Variants in PLD1 observed in about 807,000 individuals in gnomAD.
PLD1 encodes the protein choline phosphatase 1.
A neutral mutation model predicts 137.1 loss-of-function variants in PLD1; 112 were observed. The ratio of observed to expected loss-of-function variants is 0.82; its 90% confidence interval spans 0.70 to 0.96. The LOEUF (loss-of-function observed/expected upper bound fraction) is 0.96. Ranked by LOEUF, PLD1 falls within the 40% of genes least tolerant of loss-of-function variation. The probability of loss-of-function intolerance (pLI) is 0.00; values close to 1 mark genes in which losing one functional copy is unlikely to be tolerated. For missense variants in PLD1, 1,321 were observed against 1,342.0 expected (o/e 0.98, Z 0.24); for synonymous variants, 431 against 454.7 (o/e 0.95, Z 0.66).
chr3:171,617,328 G>A (rs1480675033), intron 24 of PLD1, among the ~76,000 whole-genome samples: 2 of 152,154 alleles, frequency 1.3e-5, no homozygotes, highest in Non-Finnish European at 2.9e-5. Context: ...AGACTCATGA[G>A]CTCGACTTAG....
intron 23 of PLD1, among the ~76,000 whole-genome samples, chr3:171,636,957 TTTTTG>T (rs1423454487): frequency 6.6e-6 from 1 of 152,150 alleles, no homozygotes; most frequent in African/African-American, 2.4e-5. Flanking sequence ...TGTTGAGGTT[TTTTTG>T]TTTTGTTTTA....
At chr3:171,638,192 A>G (rs901817698) in intron 23 of PLD1, among the ~76,000 whole-genome samples, 1 of 151,534 alleles carries the variant, frequency 6.6e-6, no homozygotes, top group African/African-American at 2.4e-5. Flanking sequence ...CTCAAAAAAA[A>G]AAAAAAAAAA....
At chr3:171,692,264 C>T in intron 13 of PLD1, 68 bp downstream of exon 13, 1 of 783,950 alleles carries the variant, frequency 1.3e-6, no homozygotes, top group South Asian at 1.5e-5. Context: ...CTGCCCAGAA[C>T]AAAACATACC....
Position 171,730,420 on chromosome 3 carries a change from GA to G in PLD1, c.606+3023del, listed in dbSNP as rs576994873. ...CTCTCCTTTGCAGAACCACAAGAAG[GA>G]AAAAAAAAAAAAGAATTAAAAGCAG... On this transcript the variant is annotated intron_variant, in intron 6 of 26. Coordinates refer to ENST00000351298, the MANE Select transcript of PLD1 (RefSeq NM_002662.5). Among the ~76,000 whole-genome samples the G allele has an allele frequency of 7.9e-3, 1,048 of 132,048 alleles. 18 individuals are homozygous for G. Among genetic ancestry groups the G allele is most frequent in the Admixed American group, 0.045 (592 of 13,194 alleles). The allele number at this position is 132,048 out of a possible 152,430, so 86.6% of individuals were successfully genotyped here. A position where few individuals can be genotyped will look rare whatever the true frequency, so the allele number is the denominator to read the frequency against.
intron 25 of PLD1, among the ~76,000 whole-genome samples, chr3:171,606,988 A>G (rs967526668): frequency 6.6e-6 from 1 of 152,232 alleles, no homozygotes; most frequent in African/African-American, 2.4e-5. Context: ...AGTTTTCTCC[A>G]ACATTATCAA....
At chr3:171,625,833 A>C (rs150307529) in intron 23 of PLD1, among the ~76,000 whole-genome samples, 26,528 of 152,156 alleles carry the variant, frequency 0.17, 2,407 homozygotes, top group South Asian at 0.24. Flanking sequence ...AAGGACATCC[A>C]CACCAAAAAC....
At chr3:171,792,681 A>T (rs971885215) in intron 1 of PLD1, 11 of 456,622 alleles carry the variant, frequency 2.4e-5, no homozygotes. Context: ...GAAACACAGT[A>T]AATTTAGGCT....
intron 1 of PLD1, among the ~76,000 whole-genome samples, chr3:171,760,051 A>G (rs1158350942): frequency 6.6e-6 from 1 of 152,234 alleles, no homozygotes; most frequent in Admixed American, 6.5e-5. Flanking sequence ...ATAGTCATGC[A>G]AATAATGAAA....
At chr3:171,761,475 C>A (rs1721384651) in intron 1 of PLD1, among the ~76,000 whole-genome samples, 1 of 152,160 alleles carries the variant, frequency 6.6e-6, no homozygotes, top group Admixed American at 6.5e-5. Context: ...CTCCTCCAGA[C>A]CTAGGCAAGA....
At chr3:171,635,450 G>A (rs1293275392) in intron 23 of PLD1, among the ~76,000 whole-genome samples, 1 of 151,672 alleles carries the variant, frequency 6.6e-6, no homozygotes, top group African/African-American at 2.4e-5. Flanking sequence ...TTATTATTAT[G>A]GCCATCCTAG....
At chr3:171,638,875 T>C (rs1298027817) in intron 23 of PLD1, among the ~76,000 whole-genome samples, 1 of 152,148 alleles carries the variant, frequency 6.6e-6, no homozygotes, top group African/African-American at 2.4e-5. Context: ...CTGGGCATCA[T>C]CTAATCCATT....
intron 1 of PLD1, among the ~76,000 whole-genome samples, chr3:171,804,362 A>G (rs1434024635): frequency 6.6e-6 from 1 of 152,248 alleles, no homozygotes; most frequent in East Asian, 1.9e-4. Flanking sequence ...ATGGCACCAT[A>G]GAGCAAATAA....
rs963687222 is a variant in PLD1 at position 171,601,975 on chromosome 3, A to G, written c.*1103T>C. 7.9e-5 allele frequency: 12 copies of G among 152,362 alleles called. No homozygotes were observed. Among genetic ancestry groups the G allele is most frequent in the African/African-American group, 2.6e-4 (11 of 41,594 alleles). 9.4% of individuals were successfully genotyped at this position (152,362 alleles called of 1,614,324 possible). ...TTTAATAATGTAAGTGAAGTAGCAC[A>G]TATTTTATAATCAATTAATTTTTCT... On this transcript the variant is annotated 3_prime_UTR_variant, in exon 27 of 27. Transcript: ENST00000351298.
At chr3:171,769,706 G>C (rs1722209151) in intron 1 of PLD1, among the ~76,000 whole-genome samples, 1 of 152,182 alleles carries the variant, frequency 6.6e-6, no homozygotes, top group African/African-American at 2.4e-5. Flanking sequence ...CACTGATGGG[G>C]AAAGGGATCC....
At chr3:171,635,963 T>C (rs1031776877) in intron 23 of PLD1, among the ~76,000 whole-genome samples, 1 of 113,686 alleles carries the variant, frequency 8.8e-6, no homozygotes, top group Non-Finnish European at 1.7e-5. Flanking sequence ...GGGGTTCAAC[T>C]TCTTTTTTTT....
intron 1 of PLD1, chr3:171,790,083 G>C (rs1723157379): frequency 6.6e-6 from 1 of 152,228 alleles, no homozygotes; most frequent in Non-Finnish European, 1.5e-5. Flanking sequence ...GCAGATGTAA[G>C]GTATGTAATC....
chr3:171,694,510 A>AT (rs1715501960), intron 12 of PLD1, among the ~76,000 whole-genome samples: 1 of 151,766 alleles, frequency 6.6e-6, no homozygotes, highest in Non-Finnish European at 1.5e-5. Context: ...GTTCAGTTCT[A>AT]TTTTTGGTAT....
intron 25 of PLD1, chr3:171,611,511 C>T (rs1040511584): frequency 1.2e-5 from 6 of 492,900 alleles, no homozygotes; most frequent in Non-Finnish European, 2.0e-5. Flanking sequence ...TATTTAGGAT[C>T]GCACAGCTGA....
chr3:171,785,300 A>G (rs1578470104), intron 1 of PLD1, among the ~76,000 whole-genome samples: 1 of 152,248 alleles, frequency 6.6e-6, no homozygotes, highest in South Asian at 2.1e-4. Context: ...CATCAAAAGT[A>G]CAATGAAATA....
Sources: allele counts gnomAD v4.1 joint callset (sites outside exome capture counted in the v4.1 genomes callset), GRCh38; gene constraint gnomAD v4.1.1; transcripts MANE v1.5; gene names NCBI Gene and HGNC (gene_info 2026-07-23, HGNC 2026-07-21).